Variants in CELSR2 observed in about 807,000 individuals in gnomAD.
CELSR2 encodes the protein cadherin EGF LAG seven-pass G-type receptor 2.
CELSR2 carries 81 observed loss-of-function variants against 251.6 expected under a neutral mutation model. The ratio of observed to expected loss-of-function variants is 0.32; its 90% CI spans 0.27 to 0.39. The LOEUF (loss-of-function observed/expected upper bound fraction) is 0.39. Ranked by LOEUF, CELSR2 falls within the 10% of genes least tolerant of loss-of-function variation. The pLI is 1.00. For missense variants in CELSR2, 3,365 were observed against 3,947.7 expected (o/e 0.85, Z 3.96); for synonymous variants, 1,721 against 1,670.5 (o/e 1.03, Z -0.74).
In CELSR2 at chr1:109,262,815, T is replaced by A. The variant is rs927954970; in HGVS notation, c.4554T>A (p.Asp1518Glu). The change falls in exon 7 of 34, where the codon GAT becomes GAA. Residue 1518 changes from aspartate (D) to glutamate (E), a missense_variant. Asp to Glu is a conservative substitution (Grantham distance 45). Coordinates refer to ENST00000271332, the MANE Select transcript of CELSR2 (RefSeq NM_001408.3). ...ATCTTTGCTCCCCCAGGTCTCTGGATCTGACGGGGCCCCTGCTACTAGGCG... is the reference window on the plus strand; with the variant it reads ...ATCTTTGCTCCCCCAGGTCTCTGGAACTGACGGGGCCCCTGCTACTAGGCG... The part of the protein sequence containing the change: ...GTQGGSKKSL[D>E]LTGPLLLGGV... The A allele has an allele frequency of 6.2e-7, 1 of 1,612,378 alleles. No individual in the cohort carries two copies. Among genetic ancestry groups the A allele is most frequent in the Non-Finnish European group, 8.5e-7 (1 of 1,179,194 alleles).
chr1:109,257,731 C>G (rs1655897294), intron 1 of CELSR2, among the ~76,000 whole-genome samples: 1 of 152,204 alleles, frequency 6.6e-6, no homozygotes, highest in African/African-American at 2.4e-5. Flanking sequence ...CACCCCGACT[C>G]ACCCTGTCTC....
Position 109,273,654 on chromosome 1 carries a change from G to A in CELSR2, c.8728G>A (p.Asp2910Asn), listed in dbSNP as rs1656441956. 1 of 1,394,180 alleles carries A rather than the reference G, an allele frequency of 7.2e-7. No homozygotes were observed. Among genetic ancestry groups the A allele is most frequent in the Non-Finnish European group, 9.6e-7 (1 of 1,038,964 alleles). 86.4% of individuals were successfully genotyped at this position (1,394,180 alleles called of 1,614,324 possible). ...CATCAAGGCAGGCACGGTGGATGAG[G>A]ACTCGTCAGGCTCCGAGTGAGTGTG... ...MSIKAGTVDE[D>N]SSGSEFLFFN... Residue 2910 changes from aspartate to asparagine, a missense_variant, in exon 33 of 34, where the codon GAC (aspartate) becomes AAC (asparagine). Asp to Asn is a conservative substitution (Grantham distance 23, BLOSUM62 1). Coordinates refer to ENST00000271332, the MANE Select transcript of CELSR2 (RefSeq NM_001408.3).
chr1:109,260,294 A>C (rs1206130884), intron 2 of CELSR2, among the ~76,000 whole-genome samples: 2 of 152,042 alleles, frequency 1.3e-5, no homozygotes, highest in Non-Finnish European at 2.9e-5. Context: ...GAGGGAGAGA[A>C]GGGTGGATTT....
rs1355336936 is a variant in CELSR2, at chr1:109,250,009, C to T, written c.-71C>T. On this transcript the variant is annotated 5_prime_UTR_variant, in exon 1 of 34. Transcript: ENST00000271332. This position sits in a 1 kb window ranked among gnomAD's most constrained non-coding sequence, Gnocchi z 4.4. ...GCCCTGGCCCGGGCATGAGGCGCGG[C>T]GGGGCCGGCAGGAGCCGGAGGAGGA... is the stretch of plus-strand genomic sequence containing the variant. 2.4e-6 allele frequency: 3 copies of T among 1,232,288 alleles called. No homozygotes were observed. In the Admixed American group the frequency reaches 1.3e-4, roughly 54 times the overall value. The allele number at this position is 1,232,288 out of a possible 1,614,324, so 76.3% of individuals were successfully genotyped here. A position where few individuals can be genotyped will look rare whatever the true frequency, so the allele number is the denominator to read the frequency against.
chr1:109,263,598 C>T lies in CELSR2; in HGVS notation c.4835-13C>T, dbSNP rs1488183402. On this transcript the variant is annotated splice_polypyrimidine_tract_variant and intron_variant, in intron 8 of 33. Coordinates refer to ENST00000271332, the MANE Select transcript of CELSR2 (RefSeq NM_001408.3). ...CTCCACCCGTCACAGTCTGCCTTTT[C>T]CTGCCTCCCCAGAAATGGCCAATCC... is the stretch of plus-strand genomic sequence containing the variant. 1 of 1,612,846 alleles carries T rather than the reference C, an allele frequency of 6.2e-7. No individual in the cohort carries two copies. Among genetic ancestry groups the T allele is most frequent in the South Asian group, 1.1e-5 (1 of 90,976 alleles).
In CELSR2 at chr1:109,261,528, G is replaced by C; in HGVS notation, c.4197G>C (p.Glu1399Asp). 1.2e-6 allele frequency: 2 copies of C among 1,614,196 alleles called. No individual in the cohort carries two copies. The highest frequency in any genetic ancestry group is 1.7e-6 in the Non-Finnish European group (2 of 1,180,018). The change falls in exon 4 of 34, where the codon GAG (glutamate) becomes GAC (aspartate). Residue 1399 changes from glutamate (E) to aspartate (D), a missense_variant. Coordinates refer to ENST00000271332, the MANE Select transcript of CELSR2 (RefSeq NM_001408.3). This position sits in a 1 kb window ranked among gnomAD's most constrained non-coding sequence, Gnocchi z 4.8. Reference sequence around the variant, plus strand: ...TCCTGTTCAGGTTTGCCACAAAGGAGCGCGACGGGTTGCTGTTGTACAATG... The same window carrying C: ...TCCTGTTCAGGTTTGCCACAAAGGACCGCGACGGGTTGCTGTTGTACAATG... Reference protein sequence around the residue: ...FTLALSFATKERDGLLLYNGR... With the variant: ...FTLALSFATKDRDGLLLYNGR...
In CELSR2 at chr1:109,250,629, C is replaced by T; in HGVS notation, c.550C>T (p.Pro184Ser). ...NVNTAPQFQPPSYQATVPENQ... is the reference protein window; with the variant it reads ...NVNTAPQFQPSSYQATVPENQ... ...AAATACAGCCCCCCAGTTCCAGCCC[C>T]CCAGCTACCAGGCCACAGTGCCGGA... Residue 184 changes from proline (P) to serine (S), a missense_variant, in exon 1 of 34, where the codon CCC becomes TCC. Pro to Ser is a moderately conservative substitution (Grantham distance 74, BLOSUM62 -1). Transcript: ENST00000271332. The surrounding 1 kb of genome is among the most constrained non-coding windows in gnomAD (Gnocchi z 4.4). 2 of 1,614,040 alleles carry T rather than the reference C, an allele frequency of 1.2e-6. No individual in the cohort carries two copies.
intron 18 of CELSR2, 22 bp from the exon 19 acceptor site, chr1:109,268,856 ATC>A: frequency 6.3e-7 from 1 of 1,593,104 alleles, no homozygotes; most frequent in Non-Finnish European, 8.6e-7. Flanking sequence ...CACAGGTCCG[ATC>A]TGTGACCATC....
intron 13 of CELSR2, 99 bp downstream of exon 13, chr1:109,265,410 A>T: frequency 7.5e-7 from 1 of 1,328,592 alleles, no homozygotes; most frequent in African/African-American, 1.5e-5. Flanking sequence ...CTTCCTGTAG[A>T]GCTGAGGGCC....
At chr1:109,253,415 G>A in intron 1 of CELSR2, 26 bp downstream of exon 1, 1 of 1,601,486 alleles carries the variant, frequency 6.2e-7, no homozygotes, top group Middle Eastern at 1.7e-4. Flanking sequence ...GGTGGCGCTG[G>A]GGTGGGGGTA....
intron 1 of CELSR2, 125 bp downstream of exon 1, chr1:109,253,514 C>G: frequency 6.9e-7 from 1 of 1,452,922 alleles, no homozygotes; most frequent in East Asian, 2.5e-5. Flanking sequence ...GTGCCTGGCA[C>G]AGAGCAGGAG....
chr1:109,266,549 C>A, intron 15 of CELSR2: 1 of 167,674 alleles, frequency 6.0e-6, no homozygotes, highest in Non-Finnish European at 1.2e-5. Flanking sequence ...GCCGCCACCA[C>A]ACCTGGCTAA....
chr1:109,258,412 G>A lies in CELSR2; in HGVS notation c.3311-20G>A. The A allele has an allele frequency of 6.5e-7, 1 of 1,538,902 alleles. No individual in the cohort carries two copies. Among genetic ancestry groups the A allele is most frequent in the Non-Finnish European group, 8.8e-7 (1 of 1,137,804 alleles). On this transcript the variant is annotated intron_variant, in intron 1 of 33. Coordinates refer to ENST00000271332, the MANE Select transcript of CELSR2 (RefSeq NM_001408.3). ...GAATTGCAGCCCCAGGCTGGGTCCTGACTGTGTCCCTCTCCACAGACGGCG... is the reference window on the plus strand; with the variant it reads ...GAATTGCAGCCCCAGGCTGGGTCCTAACTGTGTCCCTCTCCACAGACGGCG...
chr1:109,268,390 G>T (rs1000878362), intron 17 of CELSR2, among the ~76,000 whole-genome samples, 191 bp from the exon 18 acceptor site: 1 of 152,224 alleles, frequency 6.6e-6, no homozygotes, highest in African/African-American at 2.4e-5. Flanking sequence ...GAGGAGGAGG[G>T]CTTAGGGGCA....
rs771439750 is a variant in CELSR2 at position 109,261,089 on chromosome 1, G to A, written c.4006G>A (p.Val1336Ile). The A allele has an allele frequency of 6.2e-6, 10 of 1,614,116 alleles. No homozygotes were observed. Among genetic ancestry groups the A allele is most frequent in the Non-Finnish European group, 8.5e-6 (10 of 1,180,006 alleles). Residue 1336 changes from valine to isoleucine, a missense_variant, in exon 3 of 34, where the codon GTC becomes ATC. This residue lies in a region of CELSR2 where 2,093 missense variants were observed against 2,382.8 expected (regional missense o/e 0.88). Coordinates refer to ENST00000271332, the MANE Select transcript of CELSR2 (RefSeq NM_001408.3). The surrounding 1 kb of genome is among the most constrained non-coding windows in gnomAD (Gnocchi z 4.8). ...SARSGRCTPG[V>I]CKNGGTCVNL... ...TCGCTCAGGCCGTTGCACCCCGGGT[G>A]TCTGCAAGAATGGGGGCACCTGTGT...
rs1656432864 is a variant in CELSR2, at chr1:109,273,438, A to G, written c.8512A>G (p.Ile2838Val). 3 of 1,611,182 alleles carry G rather than the reference A, an allele frequency of 1.9e-6. No homozygotes were observed. Among genetic ancestry groups the G allele is most frequent in the Non-Finnish European group, 2.5e-6 (3 of 1,178,958 alleles). ...CACAGCCCCGCCCCGGCCCACAGGC[A>G]TCCTTAAGAAGAAGTGTCTGCCCAC... is the stretch of plus-strand genomic sequence containing the variant. ...PGSSAQPHKG[I>V]LKKKCLPTIS... is the part of the protein sequence containing the mutation. Residue 2838 changes from isoleucine to valine, a missense_variant and splice_region_variant, in exon 33 of 34, where the codon ATC (isoleucine) becomes GTC (valine). By Grantham distance (29) the Ile-to-Val change is conservative. Around this residue, in one of 5 missense-constraint regions of CELSR2, gnomAD observed 2,093 missense variants for 2,382.8 expected, o/e 0.88. Transcript: ENST00000271332.
In CELSR2 at chr1:109,253,400, G is replaced by T; in HGVS notation, c.3310+11G>T. 2 of 1,607,982 alleles carry T rather than the reference G, an allele frequency of 1.2e-6. No individual in the cohort carries two copies. On this transcript the variant is annotated intron_variant, in intron 1 of 33. Coordinates refer to ENST00000271332, the MANE Select transcript of CELSR2 (RefSeq NM_001408.3). ...GCGTGCTGGTGTCAGGTAAGGAAGG[G>T]CCCAGGTGGCGCTGGGGTGGGGGTA...
In CELSR2 at chr1:109,273,537, A is replaced by G; in HGVS notation, c.8611A>G (p.Ser2871Gly). 1.9e-6 allele frequency: 3 copies of G among 1,591,556 alleles called. No individual in the cohort carries two copies. The highest frequency in any genetic ancestry group is 2.6e-6 in the Non-Finnish European group (3 of 1,169,550). The change falls in exon 33 of 34, where the codon AGT (serine) becomes GGT (glycine). Residue 2871 changes from serine to glycine, a missense_variant. By Grantham distance (56) the Ser-to-Gly change is moderately conservative. This residue lies in a region of CELSR2 where 2,093 missense variants were observed against 2,382.8 expected (regional missense o/e 0.88). Coordinates refer to ENST00000271332, the MANE Select transcript of CELSR2 (RefSeq NM_001408.3). ...AGGGTCTTCCCGGGGCTCCTCCGCTAGTGAGGGCAGCCGGGGAGGCCCCCC... is the reference window on the plus strand; with the variant it reads ...AGGGTCTTCCCGGGGCTCCTCCGCTGGTGAGGGCAGCCGGGGAGGCCCCCC... Reference protein sequence around the residue: ...CTGSSRGSSASEGSRGGPPPR... With the variant: ...CTGSSRGSSAGEGSRGGPPPR...
chr1:109,263,660 T>C lies in CELSR2; in HGVS notation c.4884T>C (p.His1628=), dbSNP rs778188324. 89 of 1,614,026 alleles carry C rather than the reference T, an allele frequency of 5.5e-5. 2 individuals are homozygous for C. The Admixed American group carries it at 1.0e-3, about 19-fold the overall frequency. ...TGGGCAGCAGCCTGGTGGCCTGGCA[T>C]GGCCTCTCGCTGCCCATCTCCCAAC... ...HFLGSSLVAW[H]GLSLPISQPW... Residue 1628 remains histidine (H), a synonymous_variant, in exon 9 of 34, where the codon CAT becomes CAC. Coordinates refer to ENST00000271332, the MANE Select transcript of CELSR2 (RefSeq NM_001408.3).
Sources: allele counts gnomAD v4.1 joint callset (sites outside exome capture counted in the v4.1 genomes callset), GRCh38; gene constraint gnomAD v4.1.1; regional missense constraint gnomAD v4.1.1; non-coding constraint Gnocchi (gnomAD v3.1); transcripts MANE v1.5; gene names NCBI Gene and HGNC (gene_info 2026-07-23, HGNC 2026-07-21).